The following TLN2 variants were observed in gnomAD, a reference collection of about 807,000 sequenced individuals.
The protein encoded by TLN2 is talin-2.
Under a neutral mutation model 294.7 loss-of-function variants are expected in TLN2, and 118 were observed. The observed-to-expected ratio is 0.40, with a 90% CI of 0.34 to 0.47. The LOEUF (loss-of-function observed/expected upper bound fraction) is 0.47, where lower values mean the gene tolerates loss of function less well. Ranked by LOEUF, TLN2 falls within the 20% of genes least tolerant of loss-of-function variation. TLN2 has a pLI of 0.84. For synonymous variants in TLN2, 1,431 were observed against 1,304.5 expected (o/e 1.10, Z -2.09); for missense variants, 3,083 against 3,282.2 (o/e 0.94, Z 1.48).
intron 1 of TLN2, among the ~76,000 whole-genome samples, chr15:62,554,166 G>A (rs1340466485): frequency 6.6e-6 from 1 of 151,732 alleles, no homozygotes; most frequent in African/African-American, 2.4e-5. Flanking sequence ...TACAATGTGA[G>A]GAAAACACTT....
intron 25 of TLN2, among the ~76,000 whole-genome samples, chr15:62,721,750 T>G (rs12909360): frequency 0.46 from 70,608 of 152,118 alleles, 19,935 homozygotes; most frequent in South Asian, 0.67. Flanking sequence ...AATGGAAACA[T>G]GCCCAACAAT....
intron 52 of TLN2, among the ~76,000 whole-genome samples, chr15:62,816,781 C>T (rs1265769261): frequency 6.6e-6 from 1 of 152,154 alleles, no homozygotes; most frequent in East Asian, 1.9e-4. Context: ...TTAACAATGC[C>T]TATGGACTGC....
chr15:62,521,153 G>A (rs554365708), intron 1 of TLN2, among the ~76,000 whole-genome samples: 1 of 152,246 alleles, frequency 6.6e-6, no homozygotes, highest in South Asian at 2.1e-4. Flanking sequence ...AAGCTTGAAG[G>A]GAAAGAGGAT....
chr15:62,539,776 C>CT (rs139666704), intron 1 of TLN2, among the ~76,000 whole-genome samples: 1,823 of 152,078 alleles, frequency 0.012, 46 homozygotes, highest in African/African-American at 0.041. Flanking sequence ...TTCTTGCTGT[C>CT]TATCTGGCCA....
At chr15:62,645,584 G>A (rs1256616853) in intron 3 of TLN2, among the ~76,000 whole-genome samples, 4 of 152,186 alleles carry the variant, frequency 2.6e-5, no homozygotes, top group South Asian at 2.1e-4. Flanking sequence ...TCGTTAGGAC[G>A]CCAGCAATCA....
intron 1 of TLN2, among the ~76,000 whole-genome samples, chr15:62,433,456 G>T (rs780506920): frequency 6.6e-6 from 1 of 152,066 alleles, no homozygotes; most frequent in Non-Finnish European, 1.5e-5. Context: ...GAGGCAGACC[G>T]CTGGGGCATA....
intron 22 of TLN2, among the ~76,000 whole-genome samples, chr15:62,715,725 G>A (rs986751044): frequency 1.3e-5 from 2 of 152,146 alleles, no homozygotes; most frequent in African/African-American, 4.8e-5. Flanking sequence ...AGTACATTTG[G>A]ATACCATCTC....
chr15:62,673,558 T>C (rs2055750671), intron 9 of TLN2, among the ~76,000 whole-genome samples: 1 of 34,536 alleles, frequency 2.9e-5, no homozygotes, highest in African/African-American at 9.7e-5. Flanking sequence ...CTATATACTC[T>C]TGTGCTCTTT....
intron 42 of TLN2, among the ~76,000 whole-genome samples, chr15:62,774,559 G>A (rs2063567441): frequency 2.6e-5 from 4 of 152,144 alleles, no homozygotes; most frequent in African/African-American, 9.7e-5. Flanking sequence ...AGAAGAAAAG[G>A]CCCTGGGTGA....
At chr15:62,447,610 C>T (rs2035891722) in intron 1 of TLN2, among the ~76,000 whole-genome samples, 1 of 151,796 alleles carries the variant, frequency 6.6e-6, no homozygotes, top group Admixed American at 6.6e-5. Context: ...TCTCCTGCCT[C>T]AGCCTCCTGA....
chr15:62,648,161 C>T (rs1473741542), intron 4 of TLN2, among the ~76,000 whole-genome samples: 1 of 152,046 alleles, frequency 6.6e-6, no homozygotes, highest in Non-Finnish European at 1.5e-5. Context: ...TGGCTCACAC[C>T]TGTAATCCAA....
rs957830332 is a variant in TLN2 at position 62,464,988 on chromosome 15, G to A, written c.-238+74303G>A. On this transcript the variant is annotated intron_variant, in intron 1 of 58. Coordinates refer to ENST00000636159, the MANE Select transcript of TLN2 (RefSeq NM_015059.3). The stretch of plus-strand genomic sequence containing the variant: ...GCCCATGGGCACTATGGGGGTGCAT[G>A]TGTGATTACTCAGAGTTTTCAGTAG... Among the ~76,000 whole-genome samples the A allele has an allele frequency of 2.0e-5, 3 of 151,862 alleles. No homozygotes were observed. The South Asian group carries it at 6.2e-4, about 31-fold the overall frequency.
intron 2 of TLN2, among the ~76,000 whole-genome samples, chr15:62,614,006 G>A (rs530733630): frequency 6.6e-6 from 1 of 152,144 alleles, no homozygotes; most frequent in Non-Finnish European, 1.5e-5. Context: ...AAAGAGGCCT[G>A]GGAAAACTTT....
rs1288660528 is a variant in TLN2, at chr15:62,752,173, C to A, written c.4210-132C>A. 7 of 1,220,116 alleles carry A rather than the reference C, an allele frequency of 5.7e-6. No homozygotes were observed. The Admixed American group carries it at 9.1e-5, about 16-fold the overall frequency. 75.6% of individuals were successfully genotyped at this position (1,220,116 alleles called of 1,614,324 possible). Reference sequence around the variant, plus strand: ...TAATTTTCTTCCATCTCTTTTTAATCCAAATAAAGGAGAAAATGTCAAATG... The same window carrying A: ...TAATTTTCTTCCATCTCTTTTTAATACAAATAAAGGAGAAAATGTCAAATG... On this transcript the variant is annotated intron_variant, in intron 34 of 58. Coordinates refer to ENST00000636159, the MANE Select transcript of TLN2 (RefSeq NM_015059.3).
chr15:62,742,631 A>C (rs140021770), intron 32 of TLN2, among the ~76,000 whole-genome samples: 1 of 148,076 alleles, frequency 6.8e-6, no homozygotes, highest in Non-Finnish European at 1.5e-5. Context: ...GGAAAAGGGG[A>C]AAAAAAAAAG....
At chr15:62,463,166 G>T (rs75192919) in intron 1 of TLN2, among the ~76,000 whole-genome samples, 1 of 152,112 alleles carries the variant, frequency 6.6e-6, no homozygotes. Context: ...AAGATAAAAG[G>T]CTCTTGTGTC....
intron 9 of TLN2, among the ~76,000 whole-genome samples, chr15:62,670,405 C>A (rs560919892): frequency 1.3e-5 from 2 of 152,304 alleles, no homozygotes; most frequent in African/African-American, 4.8e-5. Context: ...CTCTGAAACT[C>A]AGCTTCCTCT....
chr15:62,501,911 A>G (rs2039329582), intron 1 of TLN2, among the ~76,000 whole-genome samples: 1 of 152,102 alleles, frequency 6.6e-6, no homozygotes, highest in South Asian at 2.1e-4. Flanking sequence ...ATTTCCATGG[A>G]GGGTCAAATA....
chr15:62,442,877 C>A (rs921437697), intron 1 of TLN2, among the ~76,000 whole-genome samples: 7 of 152,252 alleles, frequency 4.6e-5, no homozygotes, highest in African/African-American at 1.7e-4. Context: ...GAATCCATTT[C>A]TTTGCTTTTT....
Sources: allele counts gnomAD v4.1 joint callset (sites outside exome capture counted in the v4.1 genomes callset), GRCh38; gene constraint gnomAD v4.1.1; transcripts MANE v1.5; gene names NCBI Gene and HGNC (gene_info 2026-07-23, HGNC 2026-07-21).